The following FSTL4 variants were observed in gnomAD, a reference collection of about 807,000 sequenced individuals.
The protein encoded by FSTL4 is follistatin-related protein 4.
FSTL4 carries 28 observed loss-of-function variants against 78.2 expected under a neutral mutation model. The observed-to-expected ratio is 0.36, with a 90% CI of 0.27 to 0.49. The LOEUF is 0.49. Ranked by LOEUF, FSTL4 falls within the 20% of genes least tolerant of loss-of-function variation. The pLI is 0.98. For missense variants in FSTL4, 922 were observed against 1,084.9 expected, an observed-to-expected ratio of 0.85 and a Z score of 2.11; for synonymous variants, 422 against 440.5, an observed-to-expected ratio of 0.96 and a Z score of 0.53.
At chr5:133,704,584 C>G in the FSTL4 span, among the ~76,000 whole-genome samples, 4 of 152,188 alleles carry the variant, frequency 2.6e-5, no homozygotes, top group African/African-American at 9.7e-5. Flanking sequence ...TAAGAAGCAC[C>G]CAGGTAACAC....
At chr5:133,789,127 G>C in the FSTL4 span, among the ~76,000 whole-genome samples, 8 of 152,204 alleles carry the variant, frequency 5.3e-5, no homozygotes, top group Admixed American at 4.6e-4. Flanking sequence ...TACAGGTAGG[G>C]CACATGCTAA....
chr5:133,217,643 C>T (rs1330498348), intron 12 of FSTL4, among the ~76,000 whole-genome samples: 1 of 151,888 alleles, frequency 6.6e-6, no homozygotes, highest in Non-Finnish European at 1.5e-5. Context: ...GCTATCTTCT[C>T]CCTCTCCTCA....
At chr5:133,393,306 C>T (rs924757141) in intron 4 of FSTL4, among the ~76,000 whole-genome samples, 1 of 152,182 alleles carries the variant, frequency 6.6e-6, no homozygotes, top group African/African-American at 2.4e-5. Flanking sequence ...AAGGATAACC[C>T]AGAGGGTGGA....
chr5:133,425,025 TCTAA>T lies in FSTL4; in HGVS notation c.161-24043_161-24040del, dbSNP rs567379996. On this transcript the variant is annotated intron_variant, in intron 3 of 15. Coordinates refer to ENST00000265342, the MANE Select transcript of FSTL4 (RefSeq NM_015082.2). Reference sequence around the variant, plus strand: ...CATTTCTTATGCGCATCAGACTGGGTCTAACTATTAGACTGTGGATTAATCTATT... The same window carrying T: ...CATTTCTTATGCGCATCAGACTGGGTCTATTAGACTGTGGATTAATCTATT... Among the ~76,000 whole-genome samples the T allele has an allele frequency of 6.1e-4, 93 of 151,554 alleles. No individual in the cohort carries two copies. In the South Asian group the frequency reaches 6.3e-3, roughly 10 times the overall value.
intron 6 of FSTL4, chr5:133,270,286 G>A (rs1752738370): frequency 6.6e-6 from 1 of 152,274 alleles, no homozygotes; most frequent in African/African-American, 2.4e-5. Flanking sequence ...TAGCTATTGA[G>A]GCTACAGGAC....
intron 3 of FSTL4, among the ~76,000 whole-genome samples, chr5:133,512,544 T>C (rs1272033645): frequency 6.6e-6 from 1 of 152,264 alleles, no homozygotes; most frequent in Non-Finnish European, 1.5e-5. Context: ...TAGACTTTTA[T>C]AGTACATGTC....
the FSTL4 span, among the ~76,000 whole-genome samples, chr5:133,711,072 G>A: frequency 4.9e-4 from 74 of 152,310 alleles, no homozygotes; most frequent in Non-Finnish European, 8.8e-4. Context: ...GCACCTGGTC[G>A]TGTTCTCAGT....
chr5:133,529,833 T>C (rs1337710153), intron 3 of FSTL4, among the ~76,000 whole-genome samples: 2 of 152,050 alleles, frequency 1.3e-5, no homozygotes, highest in African/African-American at 4.8e-5. Context: ...TTATTTTCTA[T>C]GGGAAAGGAA....
chr5:133,311,718 G>A (rs539410929), intron 6 of FSTL4, among the ~76,000 whole-genome samples: 255 of 152,316 alleles, frequency 1.7e-3, no homozygotes, highest in African/African-American at 5.0e-3. Context: ...GGTACTCAGT[G>A]CCCCTGGGGG....
At chr5:133,372,794 C>G (rs769885053) in intron 4 of FSTL4, among the ~76,000 whole-genome samples, 2 of 152,120 alleles carry the variant, frequency 1.3e-5, no homozygotes, top group Admixed American at 1.3e-4. Flanking sequence ...GAGCCTCCAG[C>G]GGGGAGGAAC....
intron 1 of FSTL4, among the ~76,000 whole-genome samples, chr5:133,609,874 T>G (rs899109545): frequency 6.6e-6 from 1 of 152,200 alleles, no homozygotes; most frequent in Non-Finnish European, 1.5e-5. Context: ...ATGCCTTATG[T>G]TATGCATTGA....
the FSTL4 span, among the ~76,000 whole-genome samples, chr5:133,832,048 G>A: frequency 0.015 from 2,343 of 152,280 alleles, 61 homozygotes; most frequent in African/African-American, 0.053. Flanking sequence ...ATTTTGAAAT[G>A]ACTCGCATTT....
the FSTL4 span, among the ~76,000 whole-genome samples, chr5:133,840,946 G>A: frequency 6.6e-6 from 1 of 152,268 alleles, no homozygotes; most frequent in Non-Finnish European, 1.5e-5. Flanking sequence ...GTTTGATGGA[G>A]GCAGAGGAAC....
intron 4 of FSTL4, among the ~76,000 whole-genome samples, chr5:133,395,584 C>G (rs569020830): frequency 2.6e-5 from 4 of 152,218 alleles, no homozygotes; most frequent in Non-Finnish European, 5.9e-5. Context: ...GTTCAGACTT[C>G]CCTGCTTGGC....
chr5:133,225,516 T>C lies in FSTL4; in HGVS notation c.1177+142A>G. On this transcript the variant is annotated intron_variant, in intron 9 of 15. Coordinates refer to ENST00000265342, the MANE Select transcript of FSTL4 (RefSeq NM_015082.2). The surrounding 1 kb of genome is among the most constrained non-coding windows in gnomAD (Gnocchi z 4.6). ...CCCAAAAGATCTGTGTGAGCCCAGA[T>C]AACAGGGAAATTTGGGAGCCATCTG... 1.1e-6 allele frequency: 1 copy of C among 881,990 alleles called. No homozygotes were observed. The highest frequency in any genetic ancestry group is 2.8e-4 in the Middle Eastern group (1 of 3,566). 54.6% of individuals were successfully genotyped at this position (881,990 alleles called of 1,614,324 possible). A position where few individuals can be genotyped will look rare whatever the true frequency, so the allele number is the denominator to read the frequency against.
intron 6 of FSTL4, among the ~76,000 whole-genome samples, chr5:133,292,621 G>T (rs982008985): frequency 3.9e-5 from 6 of 151,986 alleles, no homozygotes; most frequent in African/African-American, 1.4e-4. Context: ...TTCCTGAGAT[G>T]AGATGATTCC....
At position 133,425,011 on chromosome 5, in the gene FSTL4, C is replaced by A. The variant is rs114205112; in HGVS notation, c.161-24025G>T. The stretch of plus-strand genomic sequence containing the variant: ...AAAAGATATAGCAACATTTCTTATG[C>A]GCATCAGACTGGGTCTAACTATTAG... On this transcript the variant is annotated intron_variant, in intron 3 of 15. Coordinates refer to ENST00000265342, the MANE Select transcript of FSTL4 (RefSeq NM_015082.2). Among the ~76,000 whole-genome samples, 583 of 152,242 alleles carry A rather than the reference C, an allele frequency of 3.8e-3. 6 individuals are homozygous for A. The highest frequency in any genetic ancestry group is 0.01 in the Middle Eastern group (3 of 294).
the FSTL4 span, among the ~76,000 whole-genome samples, chr5:133,648,265 A>T: frequency 6.6e-6 from 1 of 152,240 alleles, no homozygotes; most frequent in African/African-American, 2.4e-5. Context: ...AAAACCAGAA[A>T]CAAGAATTGG....
intron 3 of FSTL4, chr5:133,427,798 G>A (rs1279516237): frequency 9.3e-6 from 4 of 429,496 alleles, no homozygotes; most frequent in African/African-American, 7.9e-5. Context: ...CAAGGCTTTG[G>A]TTCCTTCTCA....
Sources: gnomAD v4.1 joint callset for allele counts (sites outside exome capture counted in the v4.1 genomes callset) on GRCh38, gnomAD v4.1.1 for gene constraint, Gnocchi (gnomAD v3.1) non-coding constraint, MANE v1.5 for transcripts, NCBI Gene and HGNC (gene_info 2026-07-23, HGNC 2026-07-21) for gene names.